Variants in KIAA0586 observed in about 807,000 individuals in gnomAD.
KIAA0586 encodes protein TALPID3.
KIAA0586 carries 144 observed loss-of-function variants against 169.8 expected under a neutral mutation model. The ratio of observed to expected loss-of-function variants is 0.85; its 90% CI spans 0.74 to 0.97. KIAA0586 has a LOEUF of 0.97. Ranked by LOEUF, KIAA0586 falls within the 50% of genes least tolerant of loss-of-function variation. The pLI is 0.00. For synonymous variants in KIAA0586, 625 were observed against 612.4 expected (o/e 1.02, Z -0.30); for missense variants, 1,854 against 1,823.0 (o/e 1.02, Z -0.31).
chr14:58,561,781 G>GT, the KIAA0586 span, among the ~76,000 whole-genome samples: 2 of 152,186 alleles, frequency 1.3e-5, no homozygotes, highest in East Asian at 3.9e-4. Flanking sequence ...TAAATTTCCT[G>GT]TTTCATGGGA....
rs917745556 is a variant in KIAA0586, at chr14:58,520,875, AT to A, written c.4429+8257del. 53 of 160,946 alleles carry A rather than the reference AT, an allele frequency of 3.3e-4. No homozygotes were observed. In the Middle Eastern group the frequency reaches 0.016, roughly 48 times the overall value. 10.0% of individuals were successfully genotyped at this position (160,946 alleles called of 1,614,324 possible). A position where few individuals can be genotyped will look rare whatever the true frequency, so the allele number is the denominator to read the frequency against. ...ATATTGTAGCAGGTATCATTACTTT[AT>A]TTTTTTTTGTAGATGAATAATATTC... On this transcript the variant is annotated intron_variant, in intron 29 of 30. Coordinates refer to ENST00000652326, the MANE Select transcript of KIAA0586 (RefSeq NM_001329943.3).
At chr14:58,499,739 A>G (rs190349062) in intron 27 of KIAA0586, among the ~76,000 whole-genome samples, 42 of 151,344 alleles carry the variant, frequency 2.8e-4, no homozygotes, top group African/African-American at 1.0e-3. Flanking sequence ...TTGTATTTTT[A>G]TTAGAGACAG....
chr14:58,431,396 G>A (rs1034467966), intron 3 of KIAA0586, among the ~76,000 whole-genome samples: 2 of 151,996 alleles, frequency 1.3e-5, no homozygotes, highest in African/African-American at 2.4e-5. Flanking sequence ...CTGAGTAGCT[G>A]GGATTACAGG....
At chr14:58,501,324 T>C (rs1432035829) in intron 27 of KIAA0586, among the ~76,000 whole-genome samples, 2 of 152,376 alleles carry the variant, frequency 1.3e-5, no homozygotes, top group Non-Finnish European at 2.9e-5. Flanking sequence ...TTACATTCTT[T>C]AAAATTTGTA....
chr14:58,507,931 C>T (rs555097853), intron 27 of KIAA0586, among the ~76,000 whole-genome samples: 2 of 152,088 alleles, frequency 1.3e-5, no homozygotes, highest in Non-Finnish European at 2.9e-5. Context: ...ATTACAGGTG[C>T]CATGCCACCA....
rs1392222859 is a variant in KIAA0586 at position 58,540,142 on chromosome 14, A to AT, written c.4495+11dup. ...CCTCACATGTGTATTTTCAGGTAAGATTTTTACTTTAAAAGTTCTTGAACT... is the reference window on the plus strand; with the variant it reads ...CCTCACATGTGTATTTTCAGGTAAGATTTTTTACTTTAAAAGTTCTTGAACT... On this transcript the variant is annotated splice_region_variant and intron_variant, in intron 30 of 30. Transcript: ENST00000652326. 1.3e-6 allele frequency: 2 copies of AT among 1,515,416 alleles called. No homozygotes were observed. The highest frequency in any genetic ancestry group is 2.8e-5 in the African/African-American group (2 of 72,278). 93.9% of individuals were successfully genotyped at this position (1,515,416 alleles called of 1,614,324 possible).
Position 58,472,184 on chromosome 14 carries a change from A to G in KIAA0586, c.2554-15A>G. On this transcript the variant is annotated splice_polypyrimidine_tract_variant and intron_variant, in intron 17 of 30. Transcript: ENST00000652326. ...TGTTAAGCACAACAAAAACTTTCTG[A>G]AAATGCTTTCTTAGACTCCAGAAAT... 6.7e-7 allele frequency: 1 copy of G among 1,495,424 alleles called. No individual in the cohort carries two copies. Among genetic ancestry groups the G allele is most frequent in the Non-Finnish European group, 9.0e-7 (1 of 1,110,630 alleles). The allele number at this position is 1,495,424 out of a possible 1,614,324, so 92.6% of individuals were successfully genotyped here.
At chr14:58,552,951 A>G (rs928139145), downstream of KIAA0586, among the ~76,000 whole-genome samples, 14 of 152,234 alleles carry the variant, frequency 9.2e-5, no homozygotes, top group African/African-American at 3.4e-4. Context: ...GTGCTACATT[A>G]TAAGTAAATA....
At chr14:58,557,901 C>CTTTTTTTTTTTTT in the KIAA0586 span, among the ~76,000 whole-genome samples, 128 of 42,508 alleles carry the variant, frequency 3.0e-3, 35 homozygotes, top group African/African-American at 9.8e-3. Flanking sequence ...CCTGAGAAAT[C>CTTTTTTTTTTTTT]TTTTTTTTTT....
At chr14:58,434,640 TATC>T (rs2037659073) in intron 4 of KIAA0586, among the ~76,000 whole-genome samples, 1 of 152,250 alleles carries the variant, frequency 6.6e-6, no homozygotes, top group Non-Finnish European at 1.5e-5. Context: ...AATTATATTT[TATC>T]ATATGTTAAA....
At chr14:58,531,580 A>G (rs2045972232) in intron 29 of KIAA0586, among the ~76,000 whole-genome samples, 1 of 152,144 alleles carries the variant, frequency 6.6e-6, no homozygotes, top group Admixed American at 6.5e-5. Flanking sequence ...ATGCTTTTAC[A>G]CTGTTGGTGG....
intron 4 of KIAA0586, among the ~76,000 whole-genome samples, chr14:58,439,210 G>A (rs955791218): frequency 2.7e-5 from 4 of 150,632 alleles, no homozygotes; most frequent in Non-Finnish European, 5.9e-5. Flanking sequence ...TTTTTGAGAC[G>A]GAGTCTCGCT....
Position 58,484,924 on chromosome 14 carries a change from A to AAATATATATTTTTT in KIAA0586, c.3145-2083_3145-2082insAATATATATTTTTT, listed in dbSNP as rs2042328590. Among the ~76,000 whole-genome samples the AAATATATATTTTTT allele has an allele frequency of 2.3e-4, 3 of 13,048 alleles. 1 individual carries two copies. The highest frequency in any genetic ancestry group is 4.0e-4 in the Non-Finnish European group (3 of 7,520). 8.6% of individuals were successfully genotyped at this position (13,048 alleles called of 152,430 possible). A position where few individuals can be genotyped will look rare whatever the true frequency, so the allele number is the denominator to read the frequency against. On this transcript the variant is annotated intron_variant, in intron 21 of 30. Transcript: ENST00000652326. ...TATATATATATATATATATATATAT[A>AAATATATATTTTTT]TTTTTTTTTTTTTTTTTTTTTTTTT...
intron 30 of KIAA0586, chr14:58,543,963 C>T (rs1233045773): frequency 2.2e-6 from 1 of 455,736 alleles, no homozygotes; most frequent in Admixed American, 2.4e-5. Context: ...TATTTCATCA[C>T]CCAGGTATTA....
chr14:58,489,565 C>A (rs980678749), intron 24 of KIAA0586, among the ~76,000 whole-genome samples: 1 of 152,034 alleles, frequency 6.6e-6, no homozygotes. Flanking sequence ...TTGTGGATAT[C>A]TTTTAATATA....
intron 30 of KIAA0586, among the ~76,000 whole-genome samples, chr14:58,547,392 C>A (rs990545736): frequency 6.6e-6 from 1 of 152,162 alleles, no homozygotes; most frequent in Middle Eastern, 3.4e-3. Flanking sequence ...TACTATTATC[C>A]CATTTAACAT....
chr14:58,537,733 A>C (rs1005860103), intron 29 of KIAA0586, among the ~76,000 whole-genome samples: 45 of 152,028 alleles, frequency 3.0e-4, no homozygotes, highest in Middle Eastern at 3.4e-3. Context: ...CTGCAAGATC[A>C]GCCTCCCAGG....
At chr14:58,512,286 T>A (rs1485235071) in intron 28 of KIAA0586, among the ~76,000 whole-genome samples, 1 of 152,138 alleles carries the variant, frequency 6.6e-6, no homozygotes, top group Middle Eastern at 3.2e-3. Context: ...ATATTTGAAA[T>A]CTGTATATAT....
chr14:58,480,345 T>TAA (rs1566867831), intron 20 of KIAA0586, among the ~76,000 whole-genome samples: 4 of 13,842 alleles, frequency 2.9e-4, no homozygotes, highest in African/African-American at 5.5e-4. Flanking sequence ...TCTTCCTCTT[T>TAA]TAAAAAAAAA....
Sources: gnomAD v4.1 joint callset for allele counts (sites outside exome capture counted in the v4.1 genomes callset) on GRCh38, gnomAD v4.1.1 for gene constraint, MANE v1.5 for transcripts, NCBI Gene and HGNC (gene_info 2026-07-23, HGNC 2026-07-21) for gene names.